NR5A2: variants seen among roughly 807,000 people sequenced by gnomAD.
NR5A2 encodes the protein nuclear receptor subfamily 5 group A member 2, also known as CYP7A promoter-binding factor.
A neutral mutation model predicts 62.7 loss-of-function variants in NR5A2; 26 were observed. That is an observed-to-expected ratio of 0.41 (90% confidence interval 0.30 to 0.58). NR5A2 has a LOEUF of 0.58. Among genes scored for constraint, NR5A2 ranks in the 20% least tolerant of loss-of-function variants. The pLI is 0.22. For missense variants in NR5A2, 541 were observed against 669.1 expected (o/e 0.81, Z 2.11); for synonymous variants, 246 against 241.7 (o/e 1.02, Z -0.16).
At chr1:200,153,944 A>G (rs1281103339) in intron 7 of NR5A2, among the ~76,000 whole-genome samples, 3 of 152,234 alleles carry the variant, frequency 2.0e-5, no homozygotes, top group Non-Finnish European at 4.4e-5. Flanking sequence ...AGAAAAAAGA[A>G]CAAAATTAGT....
intron 1 of NR5A2, among the ~76,000 whole-genome samples, chr1:200,030,420 G>T (rs1468225691): frequency 6.6e-6 from 1 of 152,166 alleles, no homozygotes; most frequent in African/African-American, 2.4e-5. Context: ...TGTTCCTTCT[G>T]CCTACCTGCA....
rs373033375 is a variant in NR5A2 at position 200,106,061 on chromosome 1, C to CCTCTGTTTTTT, written c.1111-5141_1111-5140insCTCTGTTTTTT. On this transcript the variant is annotated intron_variant, in intron 5 of 7. Transcript: ENST00000367362. ...CTTCTAATTGTTGGCCAGATTCACT[C>CCTCTGTTTTTT]TTCTTTTTTTTTTTGAGACAGAGTC... is the stretch of plus-strand genomic sequence containing the variant. 4.3e-5 allele frequency among the ~76,000 whole-genome samples: 5 copies of CCTCTGTTTTTT among 115,056 alleles called. 1 individual carries two copies. Among genetic ancestry groups the CCTCTGTTTTTT allele is most frequent in the Admixed American group, 8.7e-5 (1 of 11,506 alleles). 75.5% of individuals were successfully genotyped at this position (115,056 alleles called of 152,430 possible).
At position 200,096,006 on chromosome 1, in the gene NR5A2, A is replaced by C. The variant is rs184118144; in HGVS notation, c.1111-15196A>C. Among the ~76,000 whole-genome samples, 38 of 152,332 alleles carry C rather than the reference A, an allele frequency of 2.5e-4. No individual in the cohort carries two copies. The East Asian group carries it at 7.1e-3, about 29-fold the overall frequency. Reference sequence around the variant, plus strand: ...CATCATTAAGACAAGGACATGTGACAGACTAATTTTGAAAATTTATTCTCA... The same window carrying C: ...CATCATTAAGACAAGGACATGTGACCGACTAATTTTGAAAATTTATTCTCA... On this transcript the variant is annotated intron_variant, in intron 5 of 7. Coordinates refer to ENST00000367362, the MANE Select transcript of NR5A2 (RefSeq NM_205860.3).
chr1:200,170,469 A>C (rs1039503911), intron 7 of NR5A2, among the ~76,000 whole-genome samples: 3 of 152,250 alleles, frequency 2.0e-5, no homozygotes, highest in Non-Finnish European at 2.9e-5. Context: ...TAAAAAGTAA[A>C]TACAAGTGAA....
chr1:200,049,054 T>G (rs538538529), intron 5 of NR5A2, among the ~76,000 whole-genome samples: 3 of 152,178 alleles, frequency 2.0e-5, no homozygotes, highest in Non-Finnish European at 4.4e-5. Flanking sequence ...ACATAAAGTA[T>G]AGGAAACTCG....
chr1:200,061,051 C>T (rs900426792), intron 5 of NR5A2, among the ~76,000 whole-genome samples: 16 of 143,070 alleles, frequency 1.1e-4, no homozygotes, highest in African/African-American at 3.9e-4. Context: ...ACCCAGGAGG[C>T]GAAGGTTGCA....
chr1:200,102,421 T>C (rs76896609), intron 5 of NR5A2, among the ~76,000 whole-genome samples: 105 of 152,276 alleles, frequency 6.9e-4, no homozygotes, highest in Non-Finnish European at 1.3e-3. Flanking sequence ...GATTGAGCTG[T>C]TCAAGAAGCA....
chr1:200,102,084 C>T (rs1665400405), intron 5 of NR5A2, among the ~76,000 whole-genome samples: 1 of 152,172 alleles, frequency 6.6e-6, no homozygotes. Context: ...TAATAAGTGA[C>T]ACTAGCATAT....
At chr1:200,065,845 C>G (rs571632369) in intron 5 of NR5A2, among the ~76,000 whole-genome samples, 1 of 152,096 alleles carries the variant, frequency 6.6e-6, no homozygotes, top group African/African-American at 2.4e-5. Flanking sequence ...CACAGCACTA[C>G]AGGCACAGGA....
At chr1:200,127,637 A>T (rs1235736969) in intron 7 of NR5A2, among the ~76,000 whole-genome samples, 1 of 128,290 alleles carries the variant, frequency 7.8e-6, no homozygotes, top group Non-Finnish European at 1.6e-5. Flanking sequence ...AGATTGTGCC[A>T]TTGCACTCCA....
At chr1:200,152,730 G>A (rs900220197) in intron 7 of NR5A2, among the ~76,000 whole-genome samples, 8 of 151,516 alleles carry the variant, frequency 5.3e-5, no homozygotes, top group East Asian at 1.9e-4. Context: ...TTTCTATTTC[G>A]TTTTTCTATG....
intron 7 of NR5A2, among the ~76,000 whole-genome samples, chr1:200,172,955 T>A (rs1004391735): frequency 6.6e-6 from 1 of 152,172 alleles, no homozygotes. Context: ...CACACACGTA[T>A]CTGTCTATTT....
intron 7 of NR5A2, among the ~76,000 whole-genome samples, chr1:200,142,481 C>T (rs1667490333): frequency 6.6e-6 from 1 of 151,936 alleles, no homozygotes; most frequent in Non-Finnish European, 1.5e-5. Context: ...TAGGCGTGAG[C>T]CACTGCGCCC....
chr1:200,061,483 G>T (rs1425124103), intron 5 of NR5A2, among the ~76,000 whole-genome samples: 2 of 151,942 alleles, frequency 1.3e-5, no homozygotes, highest in Non-Finnish European at 2.9e-5. Flanking sequence ...TCTCCATATT[G>T]GTCAGGCTGG....
At chr1:200,049,482 G>T (rs1662530711) in intron 5 of NR5A2, among the ~76,000 whole-genome samples, 1 of 152,090 alleles carries the variant, frequency 6.6e-6, no homozygotes, top group African/African-American at 2.4e-5. Flanking sequence ...TTAGTGGACT[G>T]GTACATTGTA....
intron 7 of NR5A2, among the ~76,000 whole-genome samples, chr1:200,144,229 T>TCACACACA (rs770054105): frequency 2.4e-4 from 31 of 127,080 alleles, no homozygotes; most frequent in African/African-American, 1.0e-3. Context: ...TCTCTCTCTC[T>TCACACACA]CTCTCACACA....
intron 5 of NR5A2, among the ~76,000 whole-genome samples, chr1:200,090,292 C>T (rs1424163624): frequency 2.0e-5 from 3 of 152,150 alleles, no homozygotes; most frequent in Non-Finnish European, 4.4e-5. Flanking sequence ...ACCTTTTGGT[C>T]TCAGGACGCT....
Position 200,165,493 on chromosome 1 carries a change from T to C in NR5A2, c.1379-8470T>C, listed in dbSNP as rs1653860171. ...GTGTCACTGCCCTAGAAGTCCTCTG[T>C]GCTCTGCCCAGTCATCCCTCCTTCT... On this transcript the variant is annotated intron_variant, in intron 7 of 7. Transcript: ENST00000367362. Among the ~76,000 whole-genome samples, 7 of 152,208 alleles carry C rather than the reference T, an allele frequency of 4.6e-5. No individual in the cohort carries two copies. The South Asian group carries it at 1.2e-3, about 27-fold the overall frequency.
At chr1:200,096,104 GT>G (rs544963102) in intron 5 of NR5A2, among the ~76,000 whole-genome samples, 126 of 151,912 alleles carry the variant, frequency 8.3e-4, no homozygotes, top group African/African-American at 2.9e-3. Context: ...TTGTTTGTTT[GT>G]TTGTTTGTTT....
Sources: gnomAD v4.1 joint callset for allele counts (sites outside exome capture counted in the v4.1 genomes callset) on GRCh38, gnomAD v4.1.1 for gene constraint, MANE v1.5 for transcripts, NCBI Gene and HGNC (gene_info 2026-07-23, HGNC 2026-07-21) for gene names.